DLGAP1: variants seen among roughly 807,000 people sequenced by gnomAD.
The protein encoded by DLGAP1 is disks large-associated protein 1.
A neutral mutation model predicts 90.8 loss-of-function variants in DLGAP1; 11 were observed. The observed-to-expected ratio is 0.12, with a 90% CI of 0.08 to 0.20. The LOEUF (loss-of-function observed/expected upper bound fraction) is 0.20, where lower values mean the gene tolerates loss of function less well. DLGAP1 is among the 10% of genes least tolerant of loss of function. DLGAP1 has a pLI of 1.00. For synonymous variants in DLGAP1, 558 were observed against 540.7 expected, an observed-to-expected ratio of 1.03 and a Z score of -0.44; for missense variants, 1,050 against 1,333.8, an observed-to-expected ratio of 0.79 and a Z score of 3.31.
At chr18:3,748,036 T>C (rs1008866556) in intron 5 of DLGAP1, among the ~76,000 whole-genome samples, 1 of 152,344 alleles carries the variant, frequency 6.6e-6, no homozygotes, top group Non-Finnish European at 1.5e-5. Flanking sequence ...TTCAGAAACA[T>C]TAACTCTCTC....
At chr18:3,937,072 G>A (rs1568309002) in intron 3 of DLGAP1, among the ~76,000 whole-genome samples, 1 of 152,200 alleles carries the variant, frequency 6.6e-6, no homozygotes, top group Admixed American at 6.5e-5. Flanking sequence ...ACATGGGCAC[G>A]CCCTGGAGAG....
At chr18:3,886,652 T>G (rs905809493) in intron 3 of DLGAP1, among the ~76,000 whole-genome samples, 2 of 152,150 alleles carry the variant, frequency 1.3e-5, no homozygotes, top group African/African-American at 4.8e-5. Flanking sequence ...AAGTCAACTT[T>G]TTGGCATCCC....
chr18:3,795,565 T>C (rs1397361663), intron 5 of DLGAP1, among the ~76,000 whole-genome samples: 1 of 152,136 alleles, frequency 6.6e-6, no homozygotes, highest in African/African-American at 2.4e-5. Flanking sequence ...CTGCCCACCT[T>C]GGCCTCCCAA....
intron 1 of DLGAP1, among the ~76,000 whole-genome samples, chr18:4,173,017 A>C (rs2077048935): frequency 6.6e-6 from 1 of 152,238 alleles, no homozygotes; most frequent in Non-Finnish European, 1.5e-5. Context: ...TTTTGCTATG[A>C]TAGAAGGTTT....
chr18:4,272,538 C>T (rs758877334), intron 1 of DLGAP1, among the ~76,000 whole-genome samples: 6 of 152,060 alleles, frequency 3.9e-5, no homozygotes, highest in South Asian at 2.1e-4. Flanking sequence ...AATAATAATC[C>T]GACTTAGTCC....
At chr18:3,952,863 C>T (rs142296024) in intron 3 of DLGAP1, among the ~76,000 whole-genome samples, 1 of 152,298 alleles carries the variant, frequency 6.6e-6, no homozygotes, top group African/African-American at 2.4e-5. Context: ...GAATCTCTTT[C>T]ACCCACCCAG....
chr18:3,592,843 CAAAAAAAAA>C (rs56871583), intron 7 of DLGAP1, among the ~76,000 whole-genome samples: 1,712 of 42,672 alleles, frequency 0.04, 31 homozygotes, highest in East Asian at 0.16. Context: ...GACCCTGCCT[CAAAAAAAAA>C]AAAAAAAAAA....
Position 3,879,528 on chromosome 18 carries a change from G to A in DLGAP1, c.541C>T (p.Arg181Cys), listed in dbSNP as rs757983166. 4 of 1,601,486 alleles carry A rather than the reference G, an allele frequency of 2.5e-6. No homozygotes were observed. Among genetic ancestry groups the A allele is most frequent in the African/African-American group, 2.7e-5 (2 of 74,898 alleles). ...DEAQAARYGKRSKSKERRAEP... is the reference protein window; with the variant it reads ...DEAQAARYGKCSKSKERRAEP... ...GCGCGCCGCTCCTTGCTCTTGCTGC[G>A]TTTGCCATAGCGCGCCGCCTGCGCC... The change falls in exon 4 of 13, where the codon CGC becomes TGC. Residue 181 changes from arginine to cysteine, a missense_variant. This residue lies in a region of DLGAP1 where 485 missense variants were observed against 454.1 expected (regional missense o/e 1.07). Transcript: ENST00000315677. This position sits in a 1 kb window ranked among gnomAD's most constrained non-coding sequence, Gnocchi z 6.6.
At chr18:3,788,372 CT>C (rs2148197959) in intron 5 of DLGAP1, among the ~76,000 whole-genome samples, 1 of 152,284 alleles carries the variant, frequency 6.6e-6, no homozygotes, top group African/African-American at 2.4e-5. Flanking sequence ...TCATTCCCCC[CT>C]GCTTAATCCT....
At chr18:3,838,458 A>C (rs957311424) in intron 4 of DLGAP1, among the ~76,000 whole-genome samples, 3 of 152,210 alleles carry the variant, frequency 2.0e-5, no homozygotes, top group Non-Finnish European at 4.4e-5. Context: ...ATACACAAAA[A>C]GTTCAAAACT....
Position 3,775,508 on chromosome 18 carries a change from G to T in DLGAP1, c.1173-32996C>A, listed in dbSNP as rs1018314722. 2.0e-5 allele frequency among the ~76,000 whole-genome samples: 3 copies of T among 152,098 alleles called. No individual in the cohort carries two copies. The highest frequency in any genetic ancestry group is 7.2e-5 in the African/African-American group (3 of 41,410). On this transcript the variant is annotated intron_variant, in intron 5 of 12. Transcript: ENST00000315677. This position sits in a 1 kb window ranked among gnomAD's most constrained non-coding sequence, Gnocchi z 4.9. Reference sequence around the variant, plus strand: ...TTCCCTTTCCCCTTCCACCATGATTGTAAGTTTCCCGAGGCCTCACCAAGC... The same window carrying T: ...TTCCCTTTCCCCTTCCACCATGATTTTAAGTTTCCCGAGGCCTCACCAAGC...
At chr18:4,230,122 C>T (rs1451950255) in intron 1 of DLGAP1, among the ~76,000 whole-genome samples, 1 of 151,980 alleles carries the variant, frequency 6.6e-6, no homozygotes, top group Non-Finnish European at 1.5e-5. Flanking sequence ...ATCTAAAAGA[C>T]AGACAATAAC....
intron 4 of DLGAP1, among the ~76,000 whole-genome samples, chr18:3,825,564 C>A (rs1406721486): frequency 1.3e-5 from 2 of 152,272 alleles, no homozygotes; most frequent in East Asian, 1.9e-4. Flanking sequence ...TTGTTTTGTG[C>A]AATTTTGTGG....
intron 1 of DLGAP1, among the ~76,000 whole-genome samples, chr18:4,190,207 CT>C (rs1320977935): frequency 1.3e-5 from 2 of 152,046 alleles, no homozygotes; most frequent in African/African-American, 4.8e-5. Flanking sequence ...TATCAAGCTA[CT>C]AAAAGACATG....
chr18:4,001,812 T>C (rs2074191685), intron 3 of DLGAP1, among the ~76,000 whole-genome samples: 1 of 152,114 alleles, frequency 6.6e-6, no homozygotes. Flanking sequence ...ACAAGCTGGT[T>C]CTCTTGGGTT....
intron 2 of DLGAP1, among the ~76,000 whole-genome samples, chr18:4,135,403 T>A (rs1453341321): frequency 6.6e-6 from 1 of 152,172 alleles, no homozygotes; most frequent in African/African-American, 2.4e-5. Context: ...CAGGTCTGAG[T>A]TATGAATGGG....
chr18:3,830,301 C>T (rs2067961980), intron 4 of DLGAP1, among the ~76,000 whole-genome samples: 1 of 152,216 alleles, frequency 6.6e-6, no homozygotes, highest in Non-Finnish European at 1.5e-5. Flanking sequence ...CGTGGTGGCT[C>T]ACACCTGTAA....
At position 4,072,379 on chromosome 18, in the gene DLGAP1, A is replaced by G. The variant is rs377554239; in HGVS notation, c.-158-67178T>C. Among the ~76,000 whole-genome samples the G allele has an allele frequency of 1.4e-4, 22 of 151,960 alleles. No homozygotes were observed. The East Asian group carries it at 1.7e-3, about 12-fold the overall frequency. ...TAGTCAATGTATCAGTCCTATTAGA[A>G]ATCAGTCTTTCATCTTCATTTTCAT... On this transcript the variant is annotated intron_variant, in intron 2 of 12. Transcript: ENST00000315677.
intron 7 of DLGAP1, 84 bp from the exon 8 acceptor site, chr18:3,582,332 A>G (rs2055568082): frequency 6.5e-7 from 1 of 1,533,334 alleles, no homozygotes; most frequent in Non-Finnish European, 8.7e-7. Flanking sequence ...ATTGGGAATT[A>G]GGGCACATGA....
Sources: allele counts gnomAD v4.1 joint callset (sites outside exome capture counted in the v4.1 genomes callset), GRCh38; gene constraint gnomAD v4.1.1; regional missense constraint gnomAD v4.1.1; non-coding constraint Gnocchi (gnomAD v3.1); transcripts MANE v1.5; gene names NCBI Gene and HGNC (gene_info 2026-07-23, HGNC 2026-07-21).